Variants in SDK1 observed in about 807,000 individuals in gnomAD.
The protein encoded by SDK1 is sidekick cell adhesion molecule 1.
A neutral mutation model predicts 245.5 loss-of-function variants in SDK1; 157 were observed. The ratio of observed to expected loss-of-function variants is 0.64; its 90% CI spans 0.56 to 0.73. SDK1 has a LOEUF of 0.73. SDK1 is among the 30% of genes least tolerant of loss of function. SDK1 has a pLI of 0.00. For synonymous variants in SDK1, 1,647 were observed against 1,278.5 expected (o/e 1.29, Z -6.15); for missense variants, 3,583 against 3,002.3 (o/e 1.19, Z -4.52).
intron 30 of SDK1, among the ~76,000 whole-genome samples, chr7:4,150,980 C>T (rs681404): frequency 0.2 from 31,183 of 152,176 alleles, 3,579 homozygotes; most frequent in African/African-American, 0.3. Flanking sequence ...GGGCAAGTGA[C>T]GGGCTCTCAG....
intron 17 of SDK1, among the ~76,000 whole-genome samples, chr7:4,029,180 A>G (rs932001836): frequency 6.9e-6 from 1 of 145,412 alleles, no homozygotes; most frequent in African/African-American, 2.7e-5. Context: ...TACCATATTC[A>G]TCCTGTAGCT....
Position 4,145,765 on chromosome 7 carries a change from C to T in SDK1, c.4272C>T (p.Thr1424=). 2 of 1,612,994 alleles carry T rather than the reference C, an allele frequency of 1.2e-6. No individual in the cohort carries two copies. Among genetic ancestry groups the T allele is most frequent in the Non-Finnish European group, 1.7e-6 (2 of 1,179,528 alleles). Residue 1424 remains threonine, a synonymous_variant, in exon 29 of 45, where the codon ACC becomes ACT. Transcript: ENST00000404826. ...GCCTGGCCAGCAGCAGCCCCCACAC[C>T]TTCACCACCGTGGAGGTCGGCGCCA... ...AYRLASSSPH[T]FTTVEVGATV...
intron 4 of SDK1, among the ~76,000 whole-genome samples, chr7:3,774,455 A>G (rs1255353393): frequency 2.6e-5 from 4 of 152,186 alleles, no homozygotes; most frequent in Non-Finnish European, 5.9e-5. Context: ...TGCTCCAGGA[A>G]CATGTGCACA....
In SDK1 at chr7:3,347,770, T is replaced by C. The variant is rs58262427; in HGVS notation, c.298+45886T>C. 8.9e-3 allele frequency among the ~76,000 whole-genome samples: 1,360 copies of C among 152,340 alleles called. 25 individuals are homozygous for C. Among genetic ancestry groups the C allele is most frequent in the African/African-American group, 0.031 (1,280 of 41,576 alleles). Reference sequence around the variant, plus strand: ...TAAATTAAGAATTCAGTTCACTGAATGCTACCCCTGTGGCCTGAAAGAGTT... The same window carrying C: ...TAAATTAAGAATTCAGTTCACTGAACGCTACCCCTGTGGCCTGAAAGAGTT... On this transcript the variant is annotated intron_variant, in intron 1 of 44. Transcript: ENST00000404826.
At chr7:3,818,569 A>G (rs1779567070) in intron 4 of SDK1, among the ~76,000 whole-genome samples, 1 of 152,224 alleles carries the variant, frequency 6.6e-6, no homozygotes, top group Non-Finnish European at 1.5e-5. Context: ...TAGAACCCTT[A>G]AATCCAAAAA....
chr7:4,143,591 C>G (rs971930323), intron 28 of SDK1, among the ~76,000 whole-genome samples: 9 of 152,200 alleles, frequency 5.9e-5, no homozygotes, highest in Admixed American at 1.3e-4. Flanking sequence ...CAGAGGTGCA[C>G]CCCCAAAGGT....
chr7:3,521,184 C>T lies in SDK1; in HGVS notation c.299-97896C>T, dbSNP rs148586053. On this transcript the variant is annotated intron_variant, in intron 1 of 44. Transcript: ENST00000404826. ...ACATCCCTTCGTGTTTTCCATGTGA[C>T]CCTGTCCAGCAAGAGCAGCTTGAGA... Among the ~76,000 whole-genome samples, 405 of 152,254 alleles carry T rather than the reference C, an allele frequency of 2.7e-3. 2 individuals carry two copies. The highest frequency in any genetic ancestry group is 9.2e-3 in the African/African-American group (384 of 41,562).
intron 14 of SDK1, among the ~76,000 whole-genome samples, chr7:3,997,518 C>G (rs1351848830): frequency 6.6e-6 from 1 of 151,920 alleles, no homozygotes; most frequent in African/African-American, 2.4e-5. Flanking sequence ...CTGGTCGTCC[C>G]AGCATCTGCA....
chr7:4,033,151 G>A (rs954787602), intron 17 of SDK1, among the ~76,000 whole-genome samples: 4 of 152,088 alleles, frequency 2.6e-5, no homozygotes, highest in African/African-American at 4.8e-5. Context: ...CCCAGAAATG[G>A]ACCCCATTCG....
At chr7:3,698,088 C>T (rs1029653555) in intron 4 of SDK1, among the ~76,000 whole-genome samples, 1 of 152,114 alleles carries the variant, frequency 6.6e-6, no homozygotes, top group East Asian at 1.9e-4. Flanking sequence ...TGGGCACAGA[C>T]AAGAAAAGCA....
chr7:3,754,702 C>A (rs1347712722), intron 4 of SDK1, among the ~76,000 whole-genome samples: 2 of 152,112 alleles, frequency 1.3e-5, no homozygotes, highest in African/African-American at 2.4e-5. Context: ...GGGCGGAGTA[C>A]TCCCTTGTCA....
intron 14 of SDK1, among the ~76,000 whole-genome samples, chr7:3,997,629 GCT>G (rs1472400196): frequency 6.6e-6 from 1 of 152,198 alleles, no homozygotes; most frequent in African/African-American, 2.4e-5. Flanking sequence ...CATCTGCTCA[GCT>G]CTGGCTGAGC....
chr7:3,550,890 A>G lies in SDK1; in HGVS notation c.299-68190A>G, dbSNP rs189837665. Among the ~76,000 whole-genome samples the G allele has an allele frequency of 2.2e-3, 328 of 152,234 alleles. 4 individuals carry two copies. The highest frequency in any genetic ancestry group is 7.6e-3 in the African/African-American group (315 of 41,550). On this transcript the variant is annotated intron_variant, in intron 1 of 44. Transcript: ENST00000404826. ...GTAATTTTTAGCAATACTGCTGTGG[A>G]GCCTAGTTGAAATTAGTGTATTACT...
At chr7:4,034,959 T>C (rs148141975) in intron 17 of SDK1, among the ~76,000 whole-genome samples, 15 of 152,378 alleles carry the variant, frequency 9.8e-5, no homozygotes, top group Middle Eastern at 3.4e-3. Context: ...CATGTAAATA[T>C]ATTTTATCTA....
intron 4 of SDK1, among the ~76,000 whole-genome samples, chr7:3,649,381 C>G (rs1244721299): frequency 6.6e-6 from 1 of 151,984 alleles, no homozygotes; most frequent in East Asian, 1.9e-4. Flanking sequence ...ATTGCCATCC[C>G]AATCAAGAGA....
At chr7:3,451,045 C>T (rs1451973092) in intron 1 of SDK1, among the ~76,000 whole-genome samples, 2 of 152,132 alleles carry the variant, frequency 1.3e-5, no homozygotes, top group African/African-American at 4.8e-5. Flanking sequence ...AAGAGGTCAT[C>T]AGTGGCTCAG....
At chr7:3,416,928 T>A (rs1302209783) in intron 1 of SDK1, among the ~76,000 whole-genome samples, 1 of 152,114 alleles carries the variant, frequency 6.6e-6, no homozygotes, top group African/African-American at 2.4e-5. Context: ...ATCCCAGCAC[T>A]TTGGGAGGAT....
In SDK1 at chr7:3,410,279, G is replaced by A. The variant is rs554848955; in HGVS notation, c.298+108395G>A. Among the ~76,000 whole-genome samples, 7 of 150,886 alleles carry A rather than the reference G, an allele frequency of 4.6e-5. No individual in the cohort carries two copies. The East Asian group carries it at 5.8e-4, about 12-fold the overall frequency. On this transcript the variant is annotated intron_variant, in intron 1 of 44. Transcript: ENST00000404826. ...GGTCACAGTCAAAACTTCATTTCGC[G>A]CACAACATTATTAAAAATATATAAA...
At chr7:4,080,313 A>G (rs964387971) in intron 22 of SDK1, among the ~76,000 whole-genome samples, 14 of 152,158 alleles carry the variant, frequency 9.2e-5, no homozygotes, top group Non-Finnish European at 1.5e-5. Context: ...GCCAGGCTTG[A>G]ATAGGATCAT....
Sources: allele counts gnomAD v4.1 joint callset (sites outside exome capture counted in the v4.1 genomes callset), GRCh38; gene constraint gnomAD v4.1.1; transcripts MANE v1.5; gene names NCBI Gene and HGNC (gene_info 2026-07-23, HGNC 2026-07-21).